The following ITSN1 variants were observed in gnomAD, a reference collection of about 807,000 sequenced individuals.
ITSN1 encodes the protein intersectin 1, also known as intersectin-1.
In ITSN1, 58 loss-of-function variants were observed where a neutral mutation model predicts 239.8. That is an observed-to-expected ratio of 0.24 (90% CI 0.20 to 0.30). The LOEUF (loss-of-function observed/expected upper bound fraction) is 0.30, where lower values mean the gene tolerates loss of function less well. ITSN1 is among the 10% of genes least tolerant of loss of function. The pLI, the probability that ITSN1 is intolerant of heterozygous loss-of-function variation, is 1.00. For synonymous variants in ITSN1, 780 were observed against 770.8 expected, an observed-to-expected ratio of 1.01 and a Z score of -0.20; for missense variants, 1,558 against 2,103.3, an observed-to-expected ratio of 0.74 and a Z score of 5.07.
intron 27 of ITSN1, among the ~76,000 whole-genome samples, chr21:33,833,975 A>G (rs1014203174): frequency 6.6e-6 from 1 of 152,114 alleles, no homozygotes; most frequent in African/African-American, 2.4e-5. Context: ...ATTAACCATA[A>G]TGTCTACATT....
chr21:33,789,532 A>G (rs1220211776), intron 16 of ITSN1, among the ~76,000 whole-genome samples: 3 of 152,354 alleles, frequency 2.0e-5, no homozygotes, highest in African/African-American at 7.2e-5. Context: ...AAATATCTAA[A>G]TCAGTAAATA....
At position 33,865,118 on chromosome 21, in the gene ITSN1, A is replaced by G; in HGVS notation, c.3891-33A>G. Reference sequence around the variant, plus strand: ...CTGTGGTGCTGTCAGATAGCGTGAAAGCAGGGGGCTCACCTCCCGTGTTTC... The same window carrying G: ...CTGTGGTGCTGTCAGATAGCGTGAAGGCAGGGGGCTCACCTCCCGTGTTTC... On this transcript the variant is annotated intron_variant, in intron 31 of 39. Coordinates refer to ENST00000381318, the MANE Select transcript of ITSN1 (RefSeq NM_003024.3). The surrounding 1 kb of genome is among the most constrained non-coding windows in gnomAD (Gnocchi z 4.4). 3 of 1,592,802 alleles carry G rather than the reference A, an allele frequency of 1.9e-6. No homozygotes were observed. Among genetic ancestry groups the G allele is most frequent in the Non-Finnish European group, 2.6e-6 (3 of 1,167,582 alleles).
At chr21:33,804,758 A>T (rs1319497152) in intron 20 of ITSN1, among the ~76,000 whole-genome samples, 2 of 152,220 alleles carry the variant, frequency 1.3e-5, no homozygotes, top group Non-Finnish European at 1.5e-5. Flanking sequence ...TGAGTGTCTA[A>T]ATCAGTACAA....
chr21:33,863,285 C>G (rs554386037), intron 31 of ITSN1, among the ~76,000 whole-genome samples: 36 of 152,360 alleles, frequency 2.4e-4, no homozygotes, highest in Admixed American at 1.0e-3. Flanking sequence ...ACTAATTCCT[C>G]AAGACAATCA....
chr21:33,681,594 C>T (rs931344401), intron 1 of ITSN1, among the ~76,000 whole-genome samples: 15 of 150,712 alleles, frequency 1.0e-4, no homozygotes, highest in African/African-American at 3.7e-4. Flanking sequence ...CTATTTGATG[C>T]CTCCGCTTAG....
chr21:33,784,310 AACACACACACACAC>A lies in ITSN1; in HGVS notation c.1824+2208_1824+2221del, dbSNP rs58496273. Among the ~76,000 whole-genome samples, 307 of 134,206 alleles carry A rather than the reference AACACACACACACAC, an allele frequency of 2.3e-3. 1 individual carries two copies. Among genetic ancestry groups the A allele is most frequent in the African/African-American group, 7.6e-3 (270 of 35,510 alleles). The allele number at this position is 134,206 out of a possible 152,430, so 88.0% of individuals were successfully genotyped here. On this transcript the variant is annotated intron_variant, in intron 16 of 39. Coordinates refer to ENST00000381318, the MANE Select transcript of ITSN1 (RefSeq NM_003024.3). ...AAAGGGTGAAGCCCTGTCTCTACAA[AACACACACACACAC>A]ACACACACACACACACACACACACA...
intron 5 of ITSN1, among the ~76,000 whole-genome samples, chr21:33,741,556 C>G (rs1025375937): frequency 1.3e-5 from 2 of 151,900 alleles, no homozygotes; most frequent in African/African-American, 2.4e-5. Context: ...GAATTTTTTT[C>G]TTCTCTTTGT....
intron 1 of ITSN1, among the ~76,000 whole-genome samples, chr21:33,708,120 G>A (rs941063837): frequency 6.6e-6 from 1 of 152,164 alleles, no homozygotes; most frequent in Non-Finnish European, 1.5e-5. Context: ...GCATTTCCCT[G>A]ATGATTAATA....
At chr21:33,755,482 T>C in intron 8 of ITSN1, 85 bp downstream of exon 8, 1 of 723,990 alleles carries the variant, frequency 1.4e-6, no homozygotes. Flanking sequence ...ATATTTTCCA[T>C]GTCTGTGTGC....
At chr21:33,810,692 G>C (rs1368402970) in intron 20 of ITSN1, among the ~76,000 whole-genome samples, 1 of 152,100 alleles carries the variant, frequency 6.6e-6, no homozygotes, top group Non-Finnish European at 1.5e-5. Flanking sequence ...TAAATTACAT[G>C]CCTCAGGACT....
At chr21:33,745,151 T>A (rs1395942812) in intron 5 of ITSN1, among the ~76,000 whole-genome samples, 1 of 152,252 alleles carries the variant, frequency 6.6e-6, no homozygotes, top group Admixed American at 6.5e-5. Flanking sequence ...GTGTTTCCTG[T>A]AGTCTTGCCA....
At chr21:33,793,808 G>A (rs990065871) in intron 16 of ITSN1, among the ~76,000 whole-genome samples, 3 of 152,194 alleles carry the variant, frequency 2.0e-5, no homozygotes, top group Non-Finnish European at 2.9e-5. Flanking sequence ...AAGAAAAATA[G>A]ACCCTGGGGG....
At chr21:33,778,571 C>CTTTTTTTTTTTTT (rs397948229) in intron 14 of ITSN1, among the ~76,000 whole-genome samples, 4 of 63,954 alleles carry the variant, frequency 6.3e-5, no homozygotes, top group African/African-American at 7.6e-5. Flanking sequence ...ATAATATTCT[C>CTTTTTTTTTTTTT]TTTTTTTTTT....
chr21:33,774,647 T>A (rs961205621), intron 12 of ITSN1, 82 bp from the exon 13 acceptor site: 5 of 1,348,244 alleles, frequency 3.7e-6, no homozygotes, highest in Non-Finnish European at 4.1e-6. Context: ...AAGGAAAGAC[T>A]TCCTAGATGC....
chr21:33,785,148 G>GT (rs2070554716), intron 16 of ITSN1, among the ~76,000 whole-genome samples: 1 of 152,176 alleles, frequency 6.6e-6, no homozygotes, highest in Non-Finnish European at 1.5e-5. Context: ...GGTTAGTACT[G>GT]TAACACTGGA....
In ITSN1 at chr21:33,765,917, G is replaced by C; in HGVS notation, c.831G>C (p.Glu277Asp). ...ATCAAGATGGAAAACTTACAGCAGAGGAATTTATCCTGGCAATGCACCTCA... is the reference window on the plus strand; with the variant it reads ...ATCAAGATGGAAAACTTACAGCAGACGAATTTATCCTGGCAATGCACCTCA... ...DIDQDGKLTA[E>D]EFILAMHLID... The change falls in exon 10 of 40, where the codon GAG becomes GAC. Residue 277 changes from glutamate to aspartate, a missense_variant. This residue lies in a region of ITSN1 where 982 missense variants were observed against 1,209.9 expected (regional missense o/e 0.81). Transcript: ENST00000381318. The C allele has an allele frequency of 6.2e-7, 1 of 1,614,108 alleles. No homozygotes were observed. The highest frequency in any genetic ancestry group is 1.3e-5 in the African/African-American group (1 of 75,026).
chr21:33,732,917 G>A (rs1017775531), intron 4 of ITSN1, among the ~76,000 whole-genome samples: 2 of 152,110 alleles, frequency 1.3e-5, no homozygotes, highest in African/African-American at 2.4e-5. Flanking sequence ...TTTTATTAAA[G>A]GAAATAGTAT....
chr21:33,730,782 C>T (rs2066133308), intron 4 of ITSN1, among the ~76,000 whole-genome samples: 1 of 151,770 alleles, frequency 6.6e-6, no homozygotes, highest in East Asian at 1.9e-4. Context: ...TCACTGCAAC[C>T]TCCGTCTCCC....
Position 33,772,263 on chromosome 21 carries a change from G to T in ITSN1, c.1245G>T (p.Lys415Asn). 1 of 1,591,272 alleles carries T rather than the reference G, an allele frequency of 6.3e-7. No individual in the cohort carries two copies. Among genetic ancestry groups the T allele is most frequent in the Non-Finnish European group, 8.6e-7 (1 of 1,168,212 alleles). ...TGGAACTGGAGAAGCAACTGGAAAA[G>T]CAGCGGGAGCTAGAACGGCAGAGAG... ...RQLELEKQLE[K>N]QRELERQREE... Residue 415 changes from lysine (K) to asparagine (N), a missense_variant, in exon 12 of 40, where the codon AAG becomes AAT. Physicochemically the swap from Lys to Asn is moderately conservative, Grantham distance 94. Transcript: ENST00000381318.
Sources: allele counts gnomAD v4.1 joint callset (sites outside exome capture counted in the v4.1 genomes callset), GRCh38; gene constraint gnomAD v4.1.1; regional missense constraint gnomAD v4.1.1; non-coding constraint Gnocchi (gnomAD v3.1); transcripts MANE v1.5; gene names NCBI Gene and HGNC (gene_info 2026-07-23, HGNC 2026-07-21).